Variants in TTC7A observed in about 807,000 individuals in gnomAD.
TTC7A encodes tetratricopeptide repeat protein 7A.
In TTC7A, 110 loss-of-function variants were observed where a neutral mutation model predicts 103.7. The ratio of observed to expected loss-of-function variants is 1.06; its 90% CI spans 0.91 to 1.24. TTC7A has a LOEUF of 1.24. Among genes scored for constraint, TTC7A ranks in the 50% most tolerant of loss-of-function variants. TTC7A has a pLI of 0.00. For missense variants in TTC7A, 1,340 were observed against 1,116.3 expected (o/e 1.20, Z -2.86); for synonymous variants, 521 against 467.9 (o/e 1.11, Z -1.47).
chr2:47,034,649 C>A (rs1680915744), intron 15 of TTC7A, among the ~76,000 whole-genome samples: 1 of 152,158 alleles, frequency 6.6e-6, no homozygotes, highest in East Asian at 1.9e-4. Context: ...TGGCAGTCTG[C>A]CAGGCTGGTT....
intron 5 of TTC7A, among the ~76,000 whole-genome samples, chr2:46,983,349 G>T (rs934165065): frequency 6.6e-6 from 1 of 152,178 alleles, no homozygotes; most frequent in Non-Finnish European, 1.5e-5. Flanking sequence ...ATCCTTTTTC[G>T]GTTGCTGAGC....
In TTC7A at chr2:46,931,543, C is replaced by T. The variant is rs1473244626; in HGVS notation, c.82+14266C>T. 2.6e-5 allele frequency among the ~76,000 whole-genome samples: 4 copies of T among 151,924 alleles called. No homozygotes were observed. The East Asian group carries it at 5.8e-4, about 22-fold the overall frequency. On this transcript the variant is annotated intron_variant, in intron 2 of 20. Coordinates refer to the TTC7A transcript ENST00000409245. ...AGGGTCAGAGTCAGAGTAGAGGTGCCCATGGAAGCAAAGGTTGGAGTGATG... is the reference window on the plus strand; with the variant it reads ...AGGGTCAGAGTCAGAGTAGAGGTGCTCATGGAAGCAAAGGTTGGAGTGATG...
chr2:46,921,687 G>T (rs1669110490), intron 2 of TTC7A, among the ~76,000 whole-genome samples: 1 of 152,216 alleles, frequency 6.6e-6, no homozygotes, highest in Non-Finnish European at 1.5e-5. Context: ...CAGTTTCATG[G>T]AAGACAATTT....
At position 46,950,159 on chromosome 2, in the gene TTC7A, C is replaced by T. The variant is rs530088744; in HGVS notation, c.185-204C>T. Among the ~76,000 whole-genome samples, 19 of 152,262 alleles carry T rather than the reference C, an allele frequency of 1.2e-4. 1 individual carries two copies. The South Asian group carries it at 3.1e-3, about 25-fold the overall frequency. ...TACAGCAGAAAATAAATCCAAGGGG[C>T]AATTTGTATTGTGACCATAGTAGAA... On this transcript the variant is annotated intron_variant, in intron 1 of 19. Coordinates refer to ENST00000319190, the MANE Select transcript of TTC7A (RefSeq NM_020458.4).
chr2:46,993,026 A>G (rs1376155292), intron 5 of TTC7A, among the ~76,000 whole-genome samples: 1 of 152,214 alleles, frequency 6.6e-6, no homozygotes, highest in Non-Finnish European at 1.5e-5. Flanking sequence ...GCCTGGGGCC[A>G]TGGTACTGGG....
intron 15 of TTC7A, among the ~76,000 whole-genome samples, chr2:47,042,941 C>T (rs1681918860): frequency 6.6e-6 from 1 of 152,210 alleles, no homozygotes; most frequent in Non-Finnish European, 1.5e-5. Context: ...CCCCGACTGC[C>T]AGCAGCCTCC....
intron 2 of TTC7A, among the ~76,000 whole-genome samples, chr2:46,924,653 G>C (rs1669289947): frequency 6.6e-6 from 1 of 151,804 alleles, no homozygotes; most frequent in Non-Finnish European, 1.5e-5. Flanking sequence ...TGGAGATAGG[G>C]TCTTGCTCTG....
intron 19 of TTC7A, among the ~76,000 whole-genome samples, chr2:47,061,864 A>G (rs1683809031): frequency 3.3e-5 from 5 of 152,224 alleles, no homozygotes; most frequent in Admixed American, 3.3e-4. Context: ...CTGCATCTGC[A>G]CAAGTGATTT....
intron 2 of TTC7A, among the ~76,000 whole-genome samples, chr2:46,922,544 T>C (rs928747801): frequency 1.5e-5 from 2 of 135,456 alleles, no homozygotes; most frequent in Admixed American, 1.4e-4. Flanking sequence ...AATTTTTTTT[T>C]CCCCAGTCAA....
intron 5 of TTC7A, among the ~76,000 whole-genome samples, chr2:46,979,279 GTGAA>G (rs1379761273): frequency 6.6e-6 from 1 of 152,168 alleles, no homozygotes; most frequent in Non-Finnish European, 1.5e-5. Context: ...TGTCTGCAGT[GTGAA>G]TGAAGTTATT....
At chr2:46,985,253 C>T (rs1328989202) in intron 5 of TTC7A, among the ~76,000 whole-genome samples, 1 of 152,128 alleles carries the variant, frequency 6.6e-6, no homozygotes, top group East Asian at 1.9e-4. Flanking sequence ...CCTGGCTCCA[C>T]CCTGCCCCAA....
chr2:47,016,279 GA>G (rs1490460507), intron 11 of TTC7A, among the ~76,000 whole-genome samples: 1 of 152,292 alleles, frequency 6.6e-6, no homozygotes, highest in East Asian at 1.9e-4. Flanking sequence ...AAGGGTCAGA[GA>G]GGAGAAAAAT....
At chr2:46,957,137 C>G in intron 3 of TTC7A, 130 bp downstream of exon 3, 1 of 1,211,930 alleles carries the variant, frequency 8.3e-7, no homozygotes, top group Non-Finnish European at 1.2e-6. Flanking sequence ...GCACTGGTGT[C>G]TAAGGTGGAT....
intron 11 of TTC7A, 98 bp downstream of exon 11, chr2:47,011,533 G>A (rs1369430285): frequency 3.1e-5 from 30 of 957,764 alleles, no homozygotes; most frequent in Admixed American, 4.8e-5. Context: ...GGTGCATGCC[G>A]AAGGTGGAAA....
intron 11 of TTC7A, among the ~76,000 whole-genome samples, chr2:47,014,763 G>C (rs966967613): frequency 2.0e-5 from 3 of 152,240 alleles, no homozygotes; most frequent in South Asian, 2.1e-4. Flanking sequence ...TCTGGGGGTG[G>C]TCAATTTGGC....
intron 18 of TTC7A, among the ~76,000 whole-genome samples, chr2:47,060,100 G>A (rs1247556713): frequency 6.6e-6 from 1 of 152,162 alleles, no homozygotes; most frequent in Non-Finnish European, 1.5e-5. Context: ...CAAGGCTGCA[G>A]TGAGGCCAGG....
intron 15 of TTC7A, among the ~76,000 whole-genome samples, chr2:47,040,168 G>A (rs568865767): frequency 6.6e-6 from 1 of 152,344 alleles, no homozygotes; most frequent in East Asian, 1.9e-4. Context: ...CACATAAAGA[G>A]GGGGCTTCTG....
chr2:47,071,310 C>T (rs1202837954), intron 19 of TTC7A: 2 of 152,186 alleles, frequency 1.3e-5, no homozygotes, highest in African/African-American at 2.4e-5. Flanking sequence ...CTTTCAGGTT[C>T]TAAGGTCAAC....
At chr2:46,990,688 A>C (rs967584339) in intron 5 of TTC7A, among the ~76,000 whole-genome samples, 1 of 152,158 alleles carries the variant, frequency 6.6e-6, no homozygotes, top group Admixed American at 6.5e-5. Flanking sequence ...AGAGACTAGG[A>C]CTTAGGGAGG....
Sources: allele counts gnomAD v4.1 joint callset (sites outside exome capture counted in the v4.1 genomes callset), GRCh38; gene constraint gnomAD v4.1.1; transcripts MANE v1.5; gene names NCBI Gene and HGNC (gene_info 2026-07-23, HGNC 2026-07-21).